The following LARS2 variants were observed in gnomAD, a reference collection of about 807,000 sequenced individuals.
The protein encoded by LARS2 is leucyl-tRNA synthetase 2, mitochondrial.
LARS2 carries 81 observed loss-of-function variants against 116.6 expected under a neutral mutation model. The observed-to-expected ratio is 0.69, with a 90% confidence interval of 0.58 to 0.84. LARS2 has a LOEUF of 0.84. Ranked by LOEUF, LARS2 falls within the 40% of genes least tolerant of loss-of-function variation. The probability of loss-of-function intolerance (pLI) is 0.00; values close to 1 mark genes in which losing one functional copy is unlikely to be tolerated. For missense variants in LARS2, 968 were observed against 1,114.5 expected (o/e 0.87, Z 1.87); for synonymous variants, 396 against 407.2 (o/e 0.97, Z 0.33).
chr3:45,508,342 G>A (rs908514773), intron 15 of LARS2, among the ~76,000 whole-genome samples: 13 of 152,134 alleles, frequency 8.5e-5, no homozygotes, highest in African/African-American at 2.9e-4. Flanking sequence ...GAACAGGAAG[G>A]GAAGAGAAGC....
intron 8 of LARS2, among the ~76,000 whole-genome samples, chr3:45,472,075 G>A (rs1470987821): frequency 6.6e-6 from 1 of 152,188 alleles, no homozygotes; most frequent in Admixed American, 6.5e-5. Flanking sequence ...GAATTGATTA[G>A]AAGAGAATCA....
chr3:45,456,833 G>C (rs570954191), intron 7 of LARS2, among the ~76,000 whole-genome samples: 4 of 152,278 alleles, frequency 2.6e-5, no homozygotes, highest in South Asian at 4.1e-4. Context: ...TGGGGGTACT[G>C]CTTCTATATG....
chr3:45,402,581 A>G (rs1264433733), intron 4 of LARS2, among the ~76,000 whole-genome samples: 1 of 152,140 alleles, frequency 6.6e-6, no homozygotes, highest in African/African-American at 2.4e-5. Context: ...CCATTGTCAT[A>G]ACTGGTTTGA....
chr3:45,418,924 G>T (rs1217602668), intron 5 of LARS2, among the ~76,000 whole-genome samples: 1 of 152,236 alleles, frequency 6.6e-6, no homozygotes, highest in Non-Finnish European at 1.5e-5. Flanking sequence ...CCTATCTCAT[G>T]TGATTGGATA....
intron 6 of LARS2, among the ~76,000 whole-genome samples, chr3:45,430,430 C>T (rs933081261): frequency 1.3e-5 from 2 of 150,674 alleles, no homozygotes; most frequent in African/African-American, 4.9e-5. Context: ...AGGCGCCTGC[C>T]ACCATGCCCC....
chr3:45,414,547 A>G (rs1698384624), intron 4 of LARS2, among the ~76,000 whole-genome samples: 1 of 152,188 alleles, frequency 6.6e-6, no homozygotes, highest in African/African-American at 2.4e-5. Flanking sequence ...GTGTGTGAAC[A>G]TAAGCCTAGC....
intron 13 of LARS2, among the ~76,000 whole-genome samples, chr3:45,493,133 T>C (rs1699952145): frequency 6.6e-6 from 1 of 151,688 alleles, no homozygotes; most frequent in Non-Finnish European, 1.5e-5. Context: ...GGAGTCTCGC[T>C]CTGTCGCCCA....
intron 15 of LARS2, among the ~76,000 whole-genome samples, chr3:45,512,638 T>C (rs567118575): frequency 6.6e-6 from 1 of 152,314 alleles, no homozygotes; most frequent in Admixed American, 6.5e-5. Flanking sequence ...TAAGGTATAA[T>C]CCCACTTATA....
chr3:45,488,855 C>T lies in LARS2; in HGVS notation c.1239+43C>T, dbSNP rs368092561. 240 of 1,217,268 alleles carry T rather than the reference C, an allele frequency of 2.0e-4. 1 individual carries two copies. Among genetic ancestry groups the T allele is most frequent in the South Asian group, 1.4e-3 (119 of 83,114 alleles). The allele number at this position is 1,217,268 out of a possible 1,614,324, so 75.4% of individuals were successfully genotyped here. The stretch of plus-strand genomic sequence containing the variant: ...TACTTCCAGAATGATCACCTTGATA[C>T]GACTTTGATAGACATTTTCCTTCAG... On this transcript the variant is annotated intron_variant, in intron 12 of 21. Transcript: ENST00000645846.
At chr3:45,526,367 C>T (rs1395394618) in intron 20 of LARS2, among the ~76,000 whole-genome samples, 1 of 152,106 alleles carries the variant, frequency 6.6e-6, no homozygotes, top group Non-Finnish European at 1.5e-5. Flanking sequence ...AAGATATGCA[C>T]AGGAGTTAGG....
chr3:45,425,063 AT>A (rs1228014291), intron 6 of LARS2, among the ~76,000 whole-genome samples: 8 of 150,338 alleles, frequency 5.3e-5, no homozygotes, highest in South Asian at 2.1e-4. Flanking sequence ...TTCAGTTCCC[AT>A]TTTTTTTCTG....
intron 7 of LARS2, among the ~76,000 whole-genome samples, chr3:45,457,613 G>C (rs980337930): frequency 6.6e-6 from 1 of 152,186 alleles, no homozygotes; most frequent in African/African-American, 2.4e-5. Flanking sequence ...AGGAGGCAGA[G>C]GTTGCAGTGA....
In LARS2 at chr3:45,426,548, G is replaced by A. The variant is rs909084827; in HGVS notation, c.516+6819G>A. On this transcript the variant is annotated intron_variant, in intron 6 of 21. Transcript: ENST00000645846. ...TTGTTTTAGCTGAAATGATTTGGCA[G>A]CTTACTTATTTTTAGGATGGTTGGT... Among the ~76,000 whole-genome samples, 4 of 152,194 alleles carry A rather than the reference G, an allele frequency of 2.6e-5. No individual in the cohort carries two copies. In the South Asian group the frequency reaches 8.3e-4, roughly 31 times the overall value.
intron 11 of LARS2, 116 bp from the exon 12 acceptor site, chr3:45,488,581 A>G (rs1699855463): frequency 1.0e-5 from 7 of 669,406 alleles, no homozygotes; most frequent in Middle Eastern, 3.8e-4. Flanking sequence ...TAAAACTTCT[A>G]TAACTAAAAG....
intron 20 of LARS2, among the ~76,000 whole-genome samples, chr3:45,528,934 A>G (rs1002056024): frequency 1.3e-5 from 2 of 151,274 alleles, no homozygotes; most frequent in African/African-American, 2.4e-5. Flanking sequence ...CAGTAGTACA[A>G]TCTCCACTCA....
chr3:45,507,312 AAGCT>A (rs1700214951), intron 15 of LARS2, among the ~76,000 whole-genome samples: 1 of 152,090 alleles, frequency 6.6e-6, no homozygotes, highest in Non-Finnish European at 1.5e-5. Context: ...TGTAGTAAGG[AAGCT>A]AGCATAAGAG....
intron 6 of LARS2, among the ~76,000 whole-genome samples, chr3:45,433,828 TGATTTCCCCTTCGTTTCTGAAG>T (rs1185113390): frequency 8.5e-5 from 13 of 152,160 alleles, no homozygotes; most frequent in African/African-American, 3.1e-4. Flanking sequence ...TAAGAATGCT[TGATTTCCCCTTCGTTTCTGAAG>T]GATATTTTCA....
At chr3:45,520,702 G>A (rs1000986462) in intron 19 of LARS2, among the ~76,000 whole-genome samples, 15 of 152,234 alleles carry the variant, frequency 9.9e-5, no homozygotes, top group African/African-American at 3.4e-4. Flanking sequence ...AACCTGGATG[G>A]ATCAGGATCG....
intron 19 of LARS2, 124 bp downstream of exon 19, chr3:45,520,420 A>G (rs1325153267): frequency 6.1e-6 from 4 of 659,212 alleles, no homozygotes; most frequent in South Asian, 3.6e-5. Flanking sequence ...GTGTGGCTTG[A>G]TTATCTTAAG....
Sources: gnomAD v4.1 joint callset for allele counts (sites outside exome capture counted in the v4.1 genomes callset) on GRCh38, gnomAD v4.1.1 for gene constraint, MANE v1.5 for transcripts, NCBI Gene and HGNC (gene_info 2026-07-23, HGNC 2026-07-21) for gene names.